Variants in CAPN10 observed in about 807,000 individuals in gnomAD.
The protein encoded by CAPN10 is calpain 10, also known as calpain-10.
Under a neutral mutation model 78.4 loss-of-function variants are expected in CAPN10, and 71 were observed. The ratio of observed to expected loss-of-function variants is 0.91; its 90% CI spans 0.75 to 1.10. CAPN10 has a LOEUF of 1.10. CAPN10 is among the 50% of genes least tolerant of loss of function. The pLI is 0.00. For synonymous variants in CAPN10, 437 were observed against 407.2 expected (o/e 1.07, Z -0.88); for missense variants, 849 against 924.6 (o/e 0.92, Z 1.06).
intron 7 of CAPN10, 115 bp downstream of exon 7, chr2:240,595,419 A>G (rs1383957742): frequency 1.7e-6 from 2 of 1,145,152 alleles, no homozygotes; most frequent in Admixed American, 4.3e-5. Context: ...CACGGGCCCC[A>G]CCAGTCTCCC....
At chr2:240,595,470 C>T in intron 7 of CAPN10, 166 bp downstream of exon 7, 1 of 702,242 alleles carries the variant, frequency 1.4e-6, no homozygotes, top group South Asian at 1.9e-5. Context: ...TCTGCTGGTG[C>T]TCCCAGACCC....
At chr2:240,590,776 A>G in intron 2 of CAPN10, 39 bp from the exon 3 acceptor site, 5 of 1,598,830 alleles carry the variant, frequency 3.1e-6, no homozygotes, top group Non-Finnish European at 4.3e-6. Flanking sequence ...GGTGGTGCTT[A>G]TATCACGCTC....
In CAPN10 at chr2:240,591,945, C is replaced by G. The variant is rs751422810; in HGVS notation, c.483C>G (p.Ser161=). The change falls in exon 4 of 12, where the codon TCC becomes TCG. Residue 161 remains serine, a synonymous_variant. Transcript: ENST00000391984. ...LEKVYAKVHG[S]YEHLWAGQVA... ...TTGTGTCCCCTAGGGTCCATGGGTC[C>G]TACGAGCACCTGTGGGCCGGGCAGG... 6.2e-7 allele frequency: 1 copy of G among 1,613,174 alleles called. No individual in the cohort carries two copies. The highest frequency in any genetic ancestry group is 1.1e-5 in the South Asian group (1 of 90,858).
intron 2 of CAPN10, 120 bp downstream of exon 2, chr2:240,589,594 T>C: frequency 7.8e-7 from 1 of 1,281,834 alleles, no homozygotes; most frequent in Non-Finnish European, 1.1e-6. Context: ...TCTCCTGCTG[T>C]GTTGGGGGAA....
Position 240,590,797 on chromosome 2 carries a change from T to A in CAPN10, c.274-18T>A. On this transcript the variant is annotated intron_variant, in intron 2 of 11. Coordinates refer to ENST00000391984, the MANE Select transcript of CAPN10 (RefSeq NM_023083.4). ...GCTTATATCACGCTCGCCTTTTGCT[T>A]CTCCCTGTGCATGGCAGGTCATTCC... 1 of 1,611,438 alleles carries A rather than the reference T, an allele frequency of 6.2e-7. No homozygotes were observed.
rs199705143 is a variant in CAPN10, at chr2:240,593,889, C to T, written c.689-17C>T. ...ATGGTGCCCTTCCTGCCTGTGCCTG[C>T]GCCATTCCTCATGCAGGTGCCCGGG... On this transcript the variant is annotated splice_polypyrimidine_tract_variant and intron_variant, in intron 4 of 11. Transcript: ENST00000391984. 208 of 1,580,482 alleles carry T rather than the reference C, an allele frequency of 1.3e-4. No homozygotes were observed. The highest frequency in any genetic ancestry group is 7.2e-4 in the Admixed American group (42 of 58,436).
rs1038894400 is a variant in CAPN10, at chr2:240,591,767, G to C, written c.471-166G>C. 9.5e-6 allele frequency: 6 copies of C among 629,910 alleles called. No individual in the cohort carries two copies. In the Admixed American group the frequency reaches 1.7e-4, roughly 18 times the overall value. 39.0% of individuals were successfully genotyped at this position (629,910 alleles called of 1,614,324 possible). On this transcript the variant is annotated intron_variant, in intron 3 of 11. Transcript: ENST00000391984. ...GCTGTGAAGTAAGGCGTTTGAAGGTGAGGCTAAGCCTTGACTTGGTGAGGA... is the reference window on the plus strand; with the variant it reads ...GCTGTGAAGTAAGGCGTTTGAAGGTCAGGCTAAGCCTTGACTTGGTGAGGA...
chr2:240,594,926 G>A, intron 6 of CAPN10, 98 bp from the exon 7 acceptor site: 1 of 1,241,454 alleles, frequency 8.1e-7, no homozygotes, highest in African/African-American at 1.6e-5. Flanking sequence ...TGTGGCCGTA[G>A]CTGCTGCTTA....
At chr2:240,594,978 G>A in intron 6 of CAPN10, 46 bp from the exon 7 acceptor site, 2 of 1,598,990 alleles carry the variant, frequency 1.3e-6, no homozygotes, top group Non-Finnish European at 1.7e-6. Context: ...CGGGAGGCCA[G>A]CGAGGAGCCG....
chr2:240,598,321 C>G (rs1019706029), intron 10 of CAPN10, 31 bp from the exon 11 acceptor site: 1 of 1,612,846 alleles, frequency 6.2e-7, no homozygotes, highest in Non-Finnish European at 8.5e-7. Context: ...CAAGTGCAGT[C>G]TGGGAGCGCT....
intron 3 of CAPN10, 177 bp from the exon 4 acceptor site, chr2:240,591,756 C>T: frequency 3.3e-6 from 2 of 612,212 alleles, no homozygotes; most frequent in Non-Finnish European, 5.8e-6. Flanking sequence ...TGAAGTAAGG[C>T]GTTTGAAGGT....
intron 1 of CAPN10, among the ~76,000 whole-genome samples, chr2:240,587,778 C>T (rs1486878535): frequency 2.0e-5 from 3 of 152,148 alleles, no homozygotes; most frequent in Non-Finnish European, 4.4e-5. Flanking sequence ...CATGTAGAGC[C>T]TTGTCATTGG....
At chr2:240,587,325 A>T (rs1428772117) in intron 1 of CAPN10, among the ~76,000 whole-genome samples, 1 of 152,168 alleles carries the variant, frequency 6.6e-6, no homozygotes, top group Non-Finnish European at 1.5e-5. Flanking sequence ...GCGCTGCGAG[A>T]GGCGTTTTAA....
At chr2:240,596,617 A>G (rs1449052418) in intron 8 of CAPN10, 64 bp from the exon 9 acceptor site, 3 of 1,533,022 alleles carry the variant, frequency 2.0e-6, no homozygotes, top group African/African-American at 1.4e-5. Context: ...GCAGGTGTCC[A>G]TGTGGGAACT....
rs540053243 is a variant in CAPN10 at position 240,597,784 on chromosome 2, C to T, written c.1744-104C>T. On this transcript the variant is annotated intron_variant, in intron 9 of 11. Transcript: ENST00000391984. ...TGGCAGCCCCTCCTCAGAGAAGGGG[C>T]TGTATGTGACTCAAGAGGGCCAAGG... 6.0e-4 allele frequency: 587 copies of T among 976,822 alleles called. 12 individuals are homozygous for T. The South Asian group carries it at 9.0e-3, about 15-fold the overall frequency. 60.5% of individuals were successfully genotyped at this position (976,822 alleles called of 1,614,324 possible).
chr2:240,591,891 T>C (rs2093103988), intron 3 of CAPN10, 42 bp from the exon 4 acceptor site: 1 of 1,559,760 alleles, frequency 6.4e-7, no homozygotes, highest in East Asian at 2.3e-5. Context: ...GGGGCCATGC[T>C]CAATGCCAGA....
Position 240,594,047 on chromosome 2 carries a change from G to C in CAPN10, c.830G>C (p.Gly277Ala), listed in dbSNP as rs758660700. The change falls in exon 5 of 12, where the codon GGG (glycine) becomes GCG (alanine). Residue 277 changes from glycine (G) to alanine (A), a missense_variant and splice_region_variant. Coordinates refer to ENST00000391984, the MANE Select transcript of CAPN10 (RefSeq NM_023083.4). ...TGCTGGCAGGGGCTCTGGAGAGAGGGGTGAGTGCTGGGGCCTGGACCATGC... is the reference window on the plus strand; with the variant it reads ...TGCTGGCAGGGGCTCTGGAGAGAGGCGTGAGTGCTGGGGCCTGGACCATGC... Reference protein sequence around the residue: ...RRCWQGLWREGGEGWSQVDAA... With the variant: ...RRCWQGLWREAGEGWSQVDAA... 3 of 1,596,612 alleles carry C rather than the reference G, an allele frequency of 1.9e-6. No individual in the cohort carries two copies. Among genetic ancestry groups the C allele is most frequent in the Non-Finnish European group, 2.6e-6 (3 of 1,170,134 alleles).
In CAPN10 at chr2:240,598,170, G is replaced by A. The variant is rs1349021191; in HGVS notation, c.1943+83G>A. On this transcript the variant is annotated intron_variant, in intron 10 of 11. Coordinates refer to ENST00000391984, the MANE Select transcript of CAPN10 (RefSeq NM_023083.4). ...GCTCGCCTGTCCCCCCACGTCTCCT[G>A]CCTGCCCCTCACCCTCAAGCCCCTA... is the stretch of plus-strand genomic sequence containing the variant. 10 of 1,414,892 alleles carry A rather than the reference G, an allele frequency of 7.1e-6. No homozygotes were observed. The South Asian group carries it at 7.5e-5, about 11-fold the overall frequency. 87.6% of individuals were successfully genotyped at this position (1,414,892 alleles called of 1,614,324 possible).
rs779667958 is a variant in CAPN10 at position 240,597,992 on chromosome 2, C to T, written c.1848C>T (p.Cys616=). Residue 616 remains cysteine, a synonymous_variant, in exon 10 of 12, where the codon TGC becomes TGT. Transcript: ENST00000391984. The stretch of plus-strand genomic sequence containing the variant: ...ACGCCCAGGAGGTGAGCCGGCTCTG[C>T]CTCCTGCCTGCGGGCACCTACAAGG... ...HRYAQEVSRL[C]LLPAGTYKVV... is the part of the protein sequence containing the mutation. 6.2e-7 allele frequency: 1 copy of T among 1,613,186 alleles called. No individual in the cohort carries two copies. The highest frequency in any genetic ancestry group is 8.5e-7 in the Non-Finnish European group (1 of 1,179,958).
Sources: gnomAD v4.1 joint callset for allele counts (sites outside exome capture counted in the v4.1 genomes callset) on GRCh38, gnomAD v4.1.1 for gene constraint, MANE v1.5 for transcripts, NCBI Gene and HGNC (gene_info 2026-07-23, HGNC 2026-07-21) for gene names.